WDFY3: variants seen among roughly 807,000 people sequenced by gnomAD.
WDFY3 encodes WD repeat and FYVE domain-containing protein 3.
In WDFY3, 66 loss-of-function variants were observed where a neutral mutation model predicts 409.6. That is an observed-to-expected ratio of 0.16 (90% CI 0.13 to 0.20). The LOEUF is 0.20. Ranked by LOEUF, WDFY3 falls within the 10% of genes least tolerant of loss-of-function variation. The probability of loss-of-function intolerance (pLI) is 1.00; values close to 1 mark genes in which losing one functional copy is unlikely to be tolerated. For missense variants in WDFY3, 3,031 were observed against 4,298.1 expected (o/e 0.71, Z 8.24); for synonymous variants, 1,521 against 1,537.1 (o/e 0.99, Z 0.25).
chr4:84,866,800 A>C (rs914899277), intron 3 of WDFY3, among the ~76,000 whole-genome samples: 3 of 152,134 alleles, frequency 2.0e-5, no homozygotes, highest in Non-Finnish European at 4.4e-5. Context: ...TTGCGTGTGC[A>C]TTTTGTCCAG....
chr4:84,913,100 T>G (rs974744188), intron 2 of WDFY3, among the ~76,000 whole-genome samples: 1 of 152,182 alleles, frequency 6.6e-6, no homozygotes, highest in African/African-American at 2.4e-5. Flanking sequence ...ACCCAGAACC[T>G]CATGAGTTCA....
intron 56 of WDFY3, among the ~76,000 whole-genome samples, chr4:84,699,777 G>A (rs1029974212): frequency 2.0e-5 from 3 of 151,570 alleles, no homozygotes; most frequent in African/African-American, 4.9e-5. Context: ...GTATCTCATT[G>A]TGGTTTTGAT....
intron 60 of WDFY3, 34 bp from the exon 61 acceptor site, chr4:84,690,698 C>A: frequency 1.3e-6 from 2 of 1,578,220 alleles, no homozygotes; most frequent in South Asian, 2.4e-5. Context: ...ACACACATGC[C>A]GTTAAGTACT....
At chr4:84,777,241 G>A (rs1023885493) in intron 27 of WDFY3, among the ~76,000 whole-genome samples, 2 of 152,048 alleles carry the variant, frequency 1.3e-5, no homozygotes, top group African/African-American at 4.8e-5. Flanking sequence ...CTGGAATTCA[G>A]ATGTCAAGGT....
intron 36 of WDFY3, 92 bp downstream of exon 36, chr4:84,751,391 T>C: frequency 1.5e-6 from 2 of 1,320,822 alleles, no homozygotes; most frequent in Non-Finnish European, 2.1e-6. Context: ...CAAGAGGAAT[T>C]AGAAATCCTT....
chr4:84,917,596 G>C (rs1768679264), intron 2 of WDFY3, among the ~76,000 whole-genome samples: 1 of 152,010 alleles, frequency 6.6e-6, no homozygotes. Context: ...AGAGCATCTG[G>C]TAGAGATAAC....
chr4:84,890,004 G>A (rs375684210), intron 3 of WDFY3, among the ~76,000 whole-genome samples: 3 of 152,184 alleles, frequency 2.0e-5, no homozygotes, highest in African/African-American at 7.2e-5. Flanking sequence ...ATGTATTACA[G>A]AGGCTATAAA....
intron 29 of WDFY3, among the ~76,000 whole-genome samples, 159 bp from the exon 30 acceptor site, chr4:84,773,088 G>GC (rs973920572): frequency 2.4e-4 from 36 of 149,404 alleles, no homozygotes; most frequent in African/African-American, 8.9e-4. Flanking sequence ...AGAAAGAAAT[G>GC]CATGTTCTGA....
At chr4:84,900,077 G>A (rs1045478679) in intron 2 of WDFY3, among the ~76,000 whole-genome samples, 1 of 151,858 alleles carries the variant, frequency 6.6e-6, no homozygotes, top group African/African-American at 2.4e-5. Context: ...AAAAAGAAAT[G>A]AAATGAAAAC....
chr4:84,705,132 T>G (rs1731716460), intron 54 of WDFY3, among the ~76,000 whole-genome samples: 1 of 152,222 alleles, frequency 6.6e-6, no homozygotes, highest in Non-Finnish European at 1.5e-5. Flanking sequence ...ATGGGAAATT[T>G]CTGCCCTATG....
intron 36 of WDFY3, among the ~76,000 whole-genome samples, chr4:84,750,022 C>T (rs970573574): frequency 4.6e-5 from 7 of 152,136 alleles, no homozygotes; most frequent in African/African-American, 1.2e-4. Context: ...AATGCTATCA[C>T]TGTATGTTTC....
At chr4:84,903,286 A>T (rs1766580766) in intron 2 of WDFY3, among the ~76,000 whole-genome samples, 1 of 152,210 alleles carries the variant, frequency 6.6e-6, no homozygotes. Flanking sequence ...TATTTTCCAT[A>T]GCAGAGCATA....
At chr4:84,730,554 G>A (rs1736418892) in intron 44 of WDFY3, among the ~76,000 whole-genome samples, 1 of 152,102 alleles carries the variant, frequency 6.6e-6, no homozygotes, top group African/African-American at 2.4e-5. Flanking sequence ...AGCCTAGAAG[G>A]GGTTCCTTAA....
intron 36 of WDFY3, among the ~76,000 whole-genome samples, chr4:84,745,047 ATTATC>A (rs1458599578): frequency 6.6e-6 from 1 of 152,078 alleles, no homozygotes; most frequent in Non-Finnish European, 1.5e-5. Flanking sequence ...GATTTTGAAA[ATTATC>A]TTATGTTAAA....
chr4:84,925,714 T>C (rs1321613477), intron 2 of WDFY3, among the ~76,000 whole-genome samples: 1 of 152,140 alleles, frequency 6.6e-6, no homozygotes, highest in East Asian at 1.9e-4. Context: ...AATACAGTGG[T>C]CATGTAAACA....
intron 21 of WDFY3, among the ~76,000 whole-genome samples, chr4:84,793,093 T>C (rs531963303): frequency 6.6e-6 from 1 of 152,322 alleles, no homozygotes; most frequent in Admixed American, 6.5e-5. Context: ...GAAAGGGTGG[T>C]ATTTTCAAGT....
intron 13 of WDFY3, among the ~76,000 whole-genome samples, chr4:84,811,384 T>G (rs1432977358): frequency 6.6e-6 from 1 of 152,242 alleles, no homozygotes; most frequent in Non-Finnish European, 1.5e-5. Context: ...GGTGCTTTTA[T>G]GCACTAGCTT....
At chr4:84,877,076 T>G (rs562213991) in intron 3 of WDFY3, among the ~76,000 whole-genome samples, 141 of 152,326 alleles carry the variant, frequency 9.3e-4, no homozygotes, top group Non-Finnish European at 6.3e-4. Flanking sequence ...TGAAGGAATA[T>G]ATGTATGATT....
At position 84,831,556 on chromosome 4, in the gene WDFY3, T is replaced by C. The variant is rs752237661; in HGVS notation, c.626A>G (p.Gln209Arg). 7.3e-5 allele frequency: 118 copies of C among 1,613,954 alleles called. No homozygotes were observed. Among genetic ancestry groups the C allele is most frequent in the Non-Finnish European group, 9.9e-5 (117 of 1,179,992 alleles). The change falls in exon 8 of 68, where the codon CAG (glutamine) becomes CGG (arginine). Residue 209 changes from glutamine to arginine, a missense_variant. Around this residue, in one of 16 missense-constraint regions of WDFY3, gnomAD observed 1,322 missense variants for 1,697.9 expected, o/e 0.78. Transcript: ENST00000295888. Reference protein sequence around the residue: ...SFVSPAEELAQKDDLQLLFSA... With the variant: ...SFVSPAEELARKDDLQLLFSA... ...GAATAGAAGCTGGAGATCATCTTTC[T>C]GAGCCAGCTCCTCCGCAGGGGAAAC... is the stretch of plus-strand genomic sequence containing the variant.
Sources: allele counts gnomAD v4.1 joint callset (sites outside exome capture counted in the v4.1 genomes callset), GRCh38; gene constraint gnomAD v4.1.1; regional missense constraint gnomAD v4.1.1; transcripts MANE v1.5; gene names NCBI Gene and HGNC (gene_info 2026-07-23, HGNC 2026-07-21).